The following PDE8B variants were observed in gnomAD, a reference collection of about 807,000 sequenced individuals.
The protein encoded by PDE8B is high affinity cAMP-specific and IBMX-insensitive 3',5'-cyclic phosphodiesterase 8B.
In PDE8B, 26 loss-of-function variants were observed where a neutral mutation model predicts 101.3. The observed-to-expected ratio is 0.26, with a 90% CI of 0.19 to 0.36. The LOEUF (loss-of-function observed/expected upper bound fraction) is 0.36, where lower values mean the gene tolerates loss of function less well. Among genes scored for constraint, PDE8B ranks in the 10% least tolerant of loss-of-function variants. PDE8B has a pLI of 1.00. For missense variants in PDE8B, 810 were observed against 1,163.1 expected (o/e 0.70, Z 4.42); for synonymous variants, 424 against 429.3 (o/e 0.99, Z 0.15).
chr5:77,292,910 A>T (rs897596796), intron 1 of PDE8B, among the ~76,000 whole-genome samples: 6 of 152,144 alleles, frequency 3.9e-5, no homozygotes, highest in African/African-American at 1.4e-4. Context: ...TTTTAACAAA[A>T]GGCTTCCGGG....
At chr5:77,332,833 G>A (rs1320135092) in intron 5 of PDE8B, among the ~76,000 whole-genome samples, 3 of 121,920 alleles carry the variant, frequency 2.5e-5, no homozygotes, top group African/African-American at 7.1e-5. Flanking sequence ...GTAAAACTCC[G>A]TCTCAAAAAA....
intron 1 of PDE8B, among the ~76,000 whole-genome samples, chr5:77,253,309 C>A (rs568445324): frequency 2.6e-5 from 4 of 152,242 alleles, no homozygotes; most frequent in African/African-American, 9.6e-5. Context: ...CCTGGAGACA[C>A]CTAATGATTA....
the PDE8B span, among the ~76,000 whole-genome samples, chr5:77,143,589 G>C: frequency 2.0e-5 from 3 of 152,206 alleles, no homozygotes; most frequent in Non-Finnish European, 4.4e-5. Context: ...CAAAGTAACT[G>C]ATGAAAGGTT....
At chr5:77,153,436 T>C in the PDE8B span, among the ~76,000 whole-genome samples, 1 of 152,184 alleles carries the variant, frequency 6.6e-6, no homozygotes, top group African/African-American at 2.4e-5. Flanking sequence ...TGTTATAACA[T>C]GGTCACTTCC....
chr5:77,383,535 TTA>T (rs1787934354), intron 10 of PDE8B, among the ~76,000 whole-genome samples: 1 of 152,244 alleles, frequency 6.6e-6, no homozygotes, highest in Admixed American at 6.5e-5. Context: ...ACCAAGTGTT[TTA>T]GTCATGAAGT....
intron 1 of PDE8B, chr5:77,290,499 C>T: frequency 6.8e-7 from 1 of 1,467,558 alleles, no homozygotes; most frequent in Non-Finnish European, 9.5e-7. Flanking sequence ...GGCAGATATT[C>T]CTGCTCCAAA....
intron 1 of PDE8B, among the ~76,000 whole-genome samples, chr5:77,288,321 T>C (rs551966725): frequency 3.3e-4 from 51 of 152,346 alleles, no homozygotes; most frequent in African/African-American, 1.2e-3. Flanking sequence ...GCTTCTCGGC[T>C]TCTGGAATTG....
At chr5:77,408,689 T>C (rs1793979472) in intron 13 of PDE8B, among the ~76,000 whole-genome samples, 1 of 152,072 alleles carries the variant, frequency 6.6e-6, no homozygotes, top group Admixed American at 6.5e-5. Context: ...TGAGGAAGCC[T>C]ACTCACTGAG....
intron 1 of PDE8B, among the ~76,000 whole-genome samples, chr5:77,237,074 T>A (rs1754844277): frequency 6.6e-6 from 1 of 152,166 alleles, no homozygotes; most frequent in Admixed American, 6.5e-5. Context: ...TAAAGTTTAC[T>A]TAGACAGATA....
At chr5:77,334,359 A>C (rs1777712194) in intron 5 of PDE8B, among the ~76,000 whole-genome samples, 1 of 152,236 alleles carries the variant, frequency 6.6e-6, no homozygotes, top group East Asian at 1.9e-4. Flanking sequence ...GCAGCCGACT[A>C]TATAGATGCT....
the PDE8B span, among the ~76,000 whole-genome samples, chr5:77,101,478 C>T: frequency 6.6e-6 from 1 of 152,102 alleles, no homozygotes; most frequent in African/African-American, 2.4e-5. Context: ...ATCCAAAATC[C>T]TCCTCTCTGC....
At position 77,424,812 on chromosome 5, in the gene PDE8B, TTTTTTTG is replaced by T. The variant is rs375597901; in HGVS notation, c.2419-935_2419-929del. ...TAATTCTCAAGTGAAACTGGTTCTG[TTTTTTTG>T]TTTTTTGTTTTTTGTTTTTAATGTG... On this transcript the variant is annotated intron_variant, in intron 20 of 21. Transcript: ENST00000264917. Among the ~76,000 whole-genome samples the T allele has an allele frequency of 6.6e-3, 711 of 107,378 alleles. 9 individuals are homozygous for T. Among genetic ancestry groups the T allele is most frequent in the South Asian group, 0.028 (102 of 3,702 alleles). 70.4% of individuals were successfully genotyped at this position (107,378 alleles called of 152,430 possible).
chr5:77,314,264 A>G (rs745505357), intron 2 of PDE8B, among the ~76,000 whole-genome samples: 1 of 152,118 alleles, frequency 6.6e-6, no homozygotes, highest in Non-Finnish European at 1.5e-5. Context: ...CTTATCCAGT[A>G]CCACACTGTC....
intron 8 of PDE8B, among the ~76,000 whole-genome samples, chr5:77,350,183 A>G (rs1327499859): frequency 6.6e-6 from 1 of 152,134 alleles, no homozygotes; most frequent in Non-Finnish European, 1.5e-5. Flanking sequence ...TTCACATACA[A>G]TTTCTTTCAT....
At chr5:77,342,853 A>G (rs1779458475) in intron 6 of PDE8B, among the ~76,000 whole-genome samples, 1 of 152,184 alleles carries the variant, frequency 6.6e-6, no homozygotes, top group Admixed American at 6.6e-5. Context: ...TCACCATGCC[A>G]GGGGGAATGG....
intron 10 of PDE8B, among the ~76,000 whole-genome samples, chr5:77,365,885 G>A (rs1784036774): frequency 1.3e-5 from 2 of 152,184 alleles, no homozygotes; most frequent in Admixed American, 6.5e-5. Context: ...TGATGTGCTG[G>A]GCAGTCAGCC....
At chr5:77,258,418 T>C (rs1326783271) in intron 1 of PDE8B, among the ~76,000 whole-genome samples, 1 of 151,990 alleles carries the variant, frequency 6.6e-6, no homozygotes, top group Non-Finnish European at 1.5e-5. Context: ...CATAAGACCT[T>C]GTGAACCATT....
intron 1 of PDE8B, chr5:77,291,097 C>G (rs1767223924): frequency 1.2e-6 from 2 of 1,610,580 alleles, no homozygotes; most frequent in Non-Finnish European, 1.7e-6. Context: ...ACCATTATTG[C>G]CTTTGAAGAT....
At chr5:77,381,206 T>C (rs1330976596) in intron 10 of PDE8B, among the ~76,000 whole-genome samples, 2 of 152,130 alleles carry the variant, frequency 1.3e-5, no homozygotes, top group Non-Finnish European at 2.9e-5. Flanking sequence ...ATTAAATACA[T>C]AGTTTGCAAG....
Sources: allele counts gnomAD v4.1 joint callset (sites outside exome capture counted in the v4.1 genomes callset), GRCh38; gene constraint gnomAD v4.1.1; transcripts MANE v1.5; gene names NCBI Gene and HGNC (gene_info 2026-07-23, HGNC 2026-07-21).